Variants in LRRC28 observed in about 807,000 individuals in gnomAD.
The protein encoded by LRRC28 is leucine rich repeat containing 28.
LRRC28 carries 39 observed loss-of-function variants against 45.7 expected under a neutral mutation model. The observed-to-expected ratio is 0.85, with a 90% CI of 0.66 to 1.12. The LOEUF (loss-of-function observed/expected upper bound fraction) is 1.12. Among genes scored for constraint, LRRC28 ranks in the 50% most tolerant of loss-of-function variants. The pLI, the probability that LRRC28 is intolerant of heterozygous loss-of-function variation, is 0.00. For missense variants in LRRC28, 435 were observed against 438.5 expected (o/e 0.99, Z 0.07); for synonymous variants, 206 against 178.8 (o/e 1.15, Z -1.22).
At chr15:99,371,198 T>C (rs1422771765) in intron 9 of LRRC28, among the ~76,000 whole-genome samples, 2 of 152,230 alleles carry the variant, frequency 1.3e-5, no homozygotes, top group African/African-American at 4.8e-5. Context: ...TCCTCTTGTT[T>C]ATTAATTTAT....
intron 1 of LRRC28, among the ~76,000 whole-genome samples, chr15:99,254,419 G>A (rs2080956355): frequency 6.6e-6 from 1 of 152,186 alleles, no homozygotes; most frequent in Non-Finnish European, 1.5e-5. Flanking sequence ...AGCTTATGTT[G>A]CTGCCTTTTG....
At chr15:99,296,318 T>C (rs557769783) in intron 5 of LRRC28, among the ~76,000 whole-genome samples, 1 of 152,322 alleles carries the variant, frequency 6.6e-6, no homozygotes, top group Non-Finnish European at 1.5e-5. Flanking sequence ...ACCTACTATG[T>C]GATCAGTTCA....
rs982225566 is a variant in LRRC28, at chr15:99,352,548, C to T, written c.695+77C>T. On this transcript the variant is annotated intron_variant, in intron 7 of 9. Transcript: ENST00000301981. Reference sequence around the variant, plus strand: ...ACTTCTGTTCAATTTTGTCTTTGCCCTTGATGATATGCTAAACCAGGTATC... The same window carrying T: ...ACTTCTGTTCAATTTTGTCTTTGCCTTTGATGATATGCTAAACCAGGTATC... 1.2e-5 allele frequency: 14 copies of T among 1,199,018 alleles called. No individual in the cohort carries two copies. In the African/African-American group the frequency reaches 1.8e-4, roughly 16 times the overall value. 74.3% of individuals were successfully genotyped at this position (1,199,018 alleles called of 1,614,324 possible).
chr15:99,261,057 A>G (rs1344709995), intron 2 of LRRC28, among the ~76,000 whole-genome samples: 1 of 151,996 alleles, frequency 6.6e-6, no homozygotes, highest in Non-Finnish European at 1.5e-5. Context: ...CTAATACTCA[A>G]CCTCTACTCT....
chr15:99,386,136 T>C lies in LRRC28; in HGVS notation c.*34T>C, dbSNP rs780961053. ...CAAGAACCTCAGGAGCGCTGCCAGC[T>C]TGACACTGGGGAATCCAGCCAGTCC... On this transcript the variant is annotated 3_prime_UTR_variant, in exon 10 of 10. Transcript: ENST00000301981. 2.7e-4 allele frequency: 420 copies of C among 1,564,906 alleles called. 1 individual carries two copies. The highest frequency in any genetic ancestry group is 3.5e-4 in the Non-Finnish European group (398 of 1,135,176).
chr15:99,280,394 C>T (rs571830599), intron 3 of LRRC28, among the ~76,000 whole-genome samples: 173 of 151,848 alleles, frequency 1.1e-3, no homozygotes, highest in African/African-American at 4.0e-3. Context: ...AAGACTCTCT[C>T]CTTTCCCCGC....
intron 6 of LRRC28, among the ~76,000 whole-genome samples, chr15:99,344,956 C>A (rs1226219924): frequency 6.6e-6 from 1 of 152,188 alleles, no homozygotes; most frequent in African/African-American, 2.4e-5. Flanking sequence ...AAAGAGAATT[C>A]TCTCTTAACT....
At chr15:99,316,730 A>C (rs954902072) in intron 5 of LRRC28, among the ~76,000 whole-genome samples, 2 of 151,862 alleles carry the variant, frequency 1.3e-5, no homozygotes, top group Admixed American at 6.6e-5. Context: ...AAAAAAAAAA[A>C]AAACTCTTTG....
intron 5 of LRRC28, among the ~76,000 whole-genome samples, chr15:99,315,942 G>A (rs1378956352): frequency 6.6e-6 from 1 of 152,144 alleles, no homozygotes; most frequent in Non-Finnish European, 1.5e-5. Context: ...CTAGAAGCCT[G>A]TTTCCCACTC....
At chr15:99,383,879 T>A (rs1957904866) in intron 9 of LRRC28, among the ~76,000 whole-genome samples, 1 of 152,184 alleles carries the variant, frequency 6.6e-6, no homozygotes, top group African/African-American at 2.4e-5. Flanking sequence ...GCTGTTGGCC[T>A]GCAATGAGTC....
intron 9 of LRRC28, among the ~76,000 whole-genome samples, chr15:99,365,868 G>A (rs1957325381): frequency 6.6e-6 from 1 of 152,100 alleles, no homozygotes; most frequent in South Asian, 2.1e-4. Flanking sequence ...AATATTTATA[G>A]CAAAGAAGAA....
At chr15:99,344,972 T>C (rs946770568) in intron 6 of LRRC28, among the ~76,000 whole-genome samples, 5 of 152,212 alleles carry the variant, frequency 3.3e-5, no homozygotes, top group African/African-American at 4.8e-5. Context: ...TAACTGGCCT[T>C]CTTCTACTGT....
Position 99,326,271 on chromosome 15 carries a change from G to A in LRRC28, c.386-7652G>A, listed in dbSNP as rs568306034. Among the ~76,000 whole-genome samples the A allele has an allele frequency of 7.2e-4, 109 of 152,264 alleles. 1 individual carries two copies. The highest frequency in any genetic ancestry group is 2.5e-3 in the African/African-American group (103 of 41,544). On this transcript the variant is annotated intron_variant, in intron 5 of 9. Coordinates refer to ENST00000301981, the MANE Select transcript of LRRC28 (RefSeq NM_144598.5). ...TTTAAAAGGTATACTTTCTTACCTG[G>A]AAAATTATCTTCAGACCCCCATTAG...
chr15:99,263,882 A>G (rs1468175143), intron 2 of LRRC28, among the ~76,000 whole-genome samples: 2 of 152,148 alleles, frequency 1.3e-5, no homozygotes, highest in African/African-American at 4.8e-5. Flanking sequence ...TGGAATTTTC[A>G]TTTGTTGGAA....
At chr15:99,318,489 TTGAAA>T (rs71804228) in intron 5 of LRRC28, among the ~76,000 whole-genome samples, 1,524 of 152,216 alleles carry the variant, frequency 0.01, 15 homozygotes, top group African/African-American at 0.034. Flanking sequence ...ATAGGAAATT[TTGAAA>T]TGAAAAGATA....
intron 9 of LRRC28, among the ~76,000 whole-genome samples, chr15:99,383,328 G>A (rs1472576599): frequency 2.6e-5 from 4 of 152,176 alleles, no homozygotes; most frequent in East Asian, 1.9e-4. Context: ...CCAGCACTGC[G>A]TTGTTCCTCA....
intron 3 of LRRC28, among the ~76,000 whole-genome samples, chr15:99,281,889 A>G (rs189790151): frequency 6.7e-6 from 1 of 149,224 alleles, no homozygotes; most frequent in East Asian, 2.2e-4. Context: ...GTCTCTCAAC[A>G]CTGTGAGCTT....
rs562746934 is a variant in LRRC28, at chr15:99,280,009, A to G, written c.209+3393A>G. ...TTTGTTATTTTAGTCATTTGGATAG[A>G]TATGTGGTTTTTATGACATTGGAAT... is the stretch of plus-strand genomic sequence containing the variant. On this transcript the variant is annotated intron_variant, in intron 3 of 9. Coordinates refer to ENST00000301981, the MANE Select transcript of LRRC28 (RefSeq NM_144598.5). Among the ~76,000 whole-genome samples the G allele has an allele frequency of 3.3e-5, 5 of 152,222 alleles. No homozygotes were observed. The South Asian group carries it at 1.0e-3, about 32-fold the overall frequency.
intron 5 of LRRC28, among the ~76,000 whole-genome samples, chr15:99,314,015 G>C (rs1307304588): frequency 6.6e-6 from 1 of 152,182 alleles, no homozygotes; most frequent in Non-Finnish European, 1.5e-5. Context: ...TTGATTTCTA[G>C]AGTTATGAAT....
Sources: gnomAD v4.1 joint callset for allele counts (sites outside exome capture counted in the v4.1 genomes callset) on GRCh38, gnomAD v4.1.1 for gene constraint, MANE v1.5 for transcripts, NCBI Gene and HGNC (gene_info 2026-07-23, HGNC 2026-07-21) for gene names.